DNAAF11: variants seen among roughly 807,000 people sequenced by gnomAD.
DNAAF11 encodes the protein leucine rich repeat containing 6.
A neutral mutation model predicts 60.8 loss-of-function variants in DNAAF11; 45 were observed. That is an observed-to-expected ratio of 0.74 (90% CI 0.58 to 0.95). The LOEUF (loss-of-function observed/expected upper bound fraction) is 0.95. DNAAF11 is among the 40% of genes least tolerant of loss of function. The probability of loss-of-function intolerance (pLI) is 0.00; values close to 1 mark genes in which losing one functional copy is unlikely to be tolerated. For missense variants in DNAAF11, 546 were observed against 546.2 expected (o/e 1.00, Z 0.00); for synonymous variants, 191 against 183.5 (o/e 1.04, Z -0.33).
chr8:132,668,772 T>C (rs903694505), intron 1 of DNAAF11, among the ~76,000 whole-genome samples: 1 of 152,064 alleles, frequency 6.6e-6, no homozygotes, highest in African/African-American at 2.4e-5. Context: ...TGAGTAGATG[T>C]TTGTTAGATA....
intron 7 of DNAAF11, among the ~76,000 whole-genome samples, chr8:132,618,866 C>T (rs912762942): frequency 3.9e-5 from 6 of 152,010 alleles, no homozygotes; most frequent in Non-Finnish European, 8.8e-5. Context: ...TAAACTAGTT[C>T]AACCACTGTG....
chr8:132,575,312 C>T (rs1814626332), intron 11 of DNAAF11, among the ~76,000 whole-genome samples: 1 of 152,098 alleles, frequency 6.6e-6, no homozygotes, highest in Non-Finnish European at 1.5e-5. Context: ...TAGAGAAGTG[C>T]CAGAAACACA....
intron 3 of DNAAF11, among the ~76,000 whole-genome samples, chr8:132,646,808 T>C (rs1024160193): frequency 1.3e-5 from 2 of 152,142 alleles, no homozygotes; most frequent in Admixed American, 6.6e-5. Context: ...CCTAAATATA[T>C]ATGCACCCAA....
chr8:132,625,435 C>T lies in DNAAF11; in HGVS notation c.673G>A (p.Asp225Asn). ...NATLSSLESK[D>N]HLQAPDTEEH... The stretch of plus-strand genomic sequence containing the variant: ...TCTGTGTCTGGTGCCTGTAGGTGGT[C>T]TTTGCTCTCTAAAGAGGAACTAGGA... Residue 225 changes from aspartate (D) to asparagine (N), a missense_variant, in exon 6 of 12, where the codon GAC (aspartate) becomes AAC (asparagine). Coordinates refer to ENST00000620350, the MANE Select transcript of DNAAF11 (RefSeq NM_012472.6). 1 of 1,608,426 alleles carries T rather than the reference C, an allele frequency of 6.2e-7. No individual in the cohort carries two copies.
At chr8:132,635,297 A>G (rs1317363916) in intron 4 of DNAAF11, among the ~76,000 whole-genome samples, 1 of 152,204 alleles carries the variant, frequency 6.6e-6, no homozygotes, top group Admixed American at 6.5e-5. Context: ...GAGTGTCCAC[A>G]CTTATTGATA....
At chr8:132,588,427 A>G (rs1816125682) in intron 10 of DNAAF11, among the ~76,000 whole-genome samples, 2 of 152,224 alleles carry the variant, frequency 1.3e-5, no homozygotes, top group African/African-American at 4.8e-5. Context: ...AGTTTCAACT[A>G]TTACCTCCAT....
At chr8:132,667,837 C>T (rs965817602) in intron 1 of DNAAF11, among the ~76,000 whole-genome samples, 2 of 152,160 alleles carry the variant, frequency 1.3e-5, no homozygotes, top group African/African-American at 2.4e-5. Context: ...GGAGCAGGGA[C>T]AGAGGGCACG....
intron 3 of DNAAF11, among the ~76,000 whole-genome samples, chr8:132,652,490 G>T (rs1823114777): frequency 6.6e-6 from 1 of 152,136 alleles, no homozygotes. Context: ...AGATTTCGAA[G>T]ATATCTCATC....
At chr8:132,697,255 G>C in the DNAAF11 span, among the ~76,000 whole-genome samples, 1 of 152,148 alleles carries the variant, frequency 6.6e-6, no homozygotes, top group African/African-American at 2.4e-5. Flanking sequence ...AGTGATGCCT[G>C]CATAACTGTA....
the DNAAF11 span, among the ~76,000 whole-genome samples, chr8:132,699,134 G>GAA: frequency 2.2e-5 from 3 of 133,790 alleles, no homozygotes; most frequent in African/African-American, 5.5e-5. Context: ...GTCTCAAAAA[G>GAA]AAAAAAAAAA....
At chr8:132,604,290 G>A (rs764043739) in intron 10 of DNAAF11, among the ~76,000 whole-genome samples, 2 of 152,136 alleles carry the variant, frequency 1.3e-5, no homozygotes, top group Non-Finnish European at 2.9e-5. Flanking sequence ...ATAAGGAGGA[G>A]GTTGGTTTGA....
chr8:132,583,151 A>C (rs945977814), intron 11 of DNAAF11, among the ~76,000 whole-genome samples: 8 of 152,112 alleles, frequency 5.3e-5, no homozygotes, highest in Admixed American at 3.9e-4. Context: ...CCAGAAAATG[A>C]CCAACAGTCA....
intron 3 of DNAAF11, chr8:132,643,790 A>C (rs1366235951): frequency 2.2e-6 from 1 of 448,802 alleles, no homozygotes; most frequent in Non-Finnish European, 4.5e-6. Flanking sequence ...GTAATAGAAG[A>C]AGCAAAGGGA....
In DNAAF11 at chr8:132,636,208, C is replaced by G. The variant is rs192636151; in HGVS notation, c.429+1727G>C. 3.1e-3 allele frequency among the ~76,000 whole-genome samples: 467 copies of G among 152,006 alleles called. 3 individuals are homozygous for G. Among genetic ancestry groups the G allele is most frequent in the Middle Eastern group, 0.017 (5 of 294 alleles). The stretch of plus-strand genomic sequence containing the variant: ...CAACCTATTTTTACATAGTAGTAAA[C>G]ATATGAATACCATTTTTCAAAAAGG... On this transcript the variant is annotated intron_variant, in intron 4 of 11. Coordinates refer to ENST00000620350, the MANE Select transcript of DNAAF11 (RefSeq NM_012472.6).
intron 10 of DNAAF11, among the ~76,000 whole-genome samples, chr8:132,590,440 A>G (rs1369313736): frequency 1.3e-5 from 2 of 152,040 alleles, no homozygotes; most frequent in African/African-American, 4.8e-5. Flanking sequence ...GATGGTACAC[A>G]TTTTTTCCTT....
chr8:132,637,392 G>C (rs962137051), intron 4 of DNAAF11, among the ~76,000 whole-genome samples: 17 of 152,122 alleles, frequency 1.1e-4, no homozygotes, highest in African/African-American at 4.1e-4. Flanking sequence ...GATCACCTGA[G>C]GTCAGGAGTT....
chr8:132,644,986 G>C (rs1404333338), intron 3 of DNAAF11, among the ~76,000 whole-genome samples: 2 of 152,100 alleles, frequency 1.3e-5, no homozygotes, highest in South Asian at 2.1e-4. Flanking sequence ...AGAGAGTAGT[G>C]GTCCTCCCAG....
chr8:132,621,727 G>A (rs1819784933), intron 7 of DNAAF11, among the ~76,000 whole-genome samples: 1 of 152,118 alleles, frequency 6.6e-6, no homozygotes, highest in African/African-American at 2.4e-5. Context: ...TAAGGGGAAG[G>A]AATTATAAAG....
At chr8:132,657,193 C>T (rs1017713154) in intron 2 of DNAAF11, among the ~76,000 whole-genome samples, 19 of 152,206 alleles carry the variant, frequency 1.2e-4, no homozygotes, top group African/African-American at 3.6e-4. Context: ...CATGACAATC[C>T]AATCTCTCTT....
Sources: gnomAD v4.1 joint callset for allele counts (sites outside exome capture counted in the v4.1 genomes callset) on GRCh38, gnomAD v4.1.1 for gene constraint, MANE v1.5 for transcripts, NCBI Gene and HGNC (gene_info 2026-07-23, HGNC 2026-07-21) for gene names.